Variants in SGO1 observed in about 807,000 individuals in gnomAD.
SGO1 encodes the protein shugoshin 1.
SGO1 carries 39 observed loss-of-function variants against 50.5 expected under a neutral mutation model. The observed-to-expected ratio is 0.77, with a 90% CI of 0.60 to 1.01. The LOEUF is 1.01. Among genes scored for constraint, SGO1 ranks in the 50% least tolerant of loss-of-function variants. The pLI is 0.00. For synonymous variants in SGO1, 191 were observed against 205.1 expected, an observed-to-expected ratio of 0.93 and a Z score of 0.59; for missense variants, 638 against 606.0, an observed-to-expected ratio of 1.05 and a Z score of -0.55.
chr3:20,164,386 G>GA (rs371329532), intron 8 of SGO1, among the ~76,000 whole-genome samples: 43 of 151,688 alleles, frequency 2.8e-4, no homozygotes, highest in African/African-American at 1.0e-3. Context: ...ATTAAAAAAA[G>GA]AAAAAAGGAA....
chr3:20,165,035 GC>G (rs2125231082), downstream of SGO1, among the ~76,000 whole-genome samples: 1 of 152,278 alleles, frequency 6.6e-6, no homozygotes, highest in African/African-American at 2.4e-5. Context: ...CATTTGTGTT[GC>G]TATAAAGGAA....
intron 3 of SGO1, 100 bp from the exon 4 acceptor site, chr3:20,178,447 G>T: frequency 1.2e-6 from 1 of 832,844 alleles, no homozygotes; most frequent in Non-Finnish European, 2.0e-6. Context: ...CTATCATGGT[G>T]CCATGCCATG....
chr3:20,179,409 G>A (rs561520002), intron 3 of SGO1, among the ~76,000 whole-genome samples: 1 of 152,122 alleles, frequency 6.6e-6, no homozygotes, highest in South Asian at 2.1e-4. Flanking sequence ...GGTATAAGAT[G>A]AGTCTACAAC....
Position 20,183,853 on chromosome 3 carries a change from G to A in SGO1, c.142+33C>T, listed in dbSNP as rs561800453. The A allele has an allele frequency of 4.4e-6, 7 of 1,606,680 alleles. No homozygotes were observed. The African/African-American group carries it at 8.1e-5, about 19-fold the overall frequency. On this transcript the variant is annotated intron_variant, in intron 2 of 7. Coordinates refer to ENST00000412997, the MANE Select transcript of SGO1 (RefSeq NM_001199251.3). Reference sequence around the variant, plus strand: ...TCAGTTATTAAATCTAAACTTAAAAGTGATATAAAAGGACAACATAAAAAT... The same window carrying A: ...TCAGTTATTAAATCTAAACTTAAAAATGATATAAAAGGACAACATAAAAAT...
chr3:20,171,288 T>TA, intron 6 of SGO1, 56 bp from the exon 7 acceptor site: 1 of 1,394,020 alleles, frequency 7.2e-7, no homozygotes. Context: ...CACAAAAACT[T>TA]AAATTGTACT....
At chr3:20,163,647 A>G (rs1345316217) in intron 8 of SGO1, among the ~76,000 whole-genome samples, 1 of 152,156 alleles carries the variant, frequency 6.6e-6, no homozygotes, top group Non-Finnish European at 1.5e-5. Flanking sequence ...AAATAATAAG[A>G]GCGAGATTAT....
rs375511922 is a variant in SGO1, at chr3:20,183,623, T to G, written c.324A>C (p.Thr108=). Residue 108 remains threonine, a synonymous_variant, in exon 3 of 8, where the codon ACA becomes ACC. Coordinates refer to ENST00000412997, the MANE Select transcript of SGO1 (RefSeq NM_001199251.3). ...ALKGKLTSQQ[T]VEPAQNQEIC... Reference sequence around the variant, plus strand: ...ATGAAAATACCTGAGCAGGTTCTACTGTTTGTTGTGATGTAAGTTTTCCTT... The same window carrying G: ...ATGAAAATACCTGAGCAGGTTCTACGGTTTGTTGTGATGTAAGTTTTCCTT... 1.7e-5 allele frequency: 27 copies of G among 1,591,230 alleles called. No homozygotes were observed. In the African/African-American group the frequency reaches 3.4e-4, roughly 20 times the overall value.
intron 6 of SGO1, among the ~76,000 whole-genome samples, chr3:20,172,818 T>G (rs77979385): frequency 4.0e-4 from 51 of 128,776 alleles, no homozygotes; most frequent in Non-Finnish European, 6.4e-4. Flanking sequence ...AAAAAAAAAT[T>G]AGCCAGGTGT....
intron 6 of SGO1, among the ~76,000 whole-genome samples, chr3:20,173,268 G>A (rs961112520): frequency 6.6e-6 from 1 of 151,944 alleles, no homozygotes; most frequent in African/African-American, 2.4e-5. Context: ...CTCCCGAGTA[G>A]CTGGGATTAC....
At chr3:20,177,301 T>C (rs10514674) in intron 4 of SGO1, 40,041 of 152,120 alleles carry the variant, frequency 0.26, 5,240 homozygotes, top group African/African-American at 0.27. Context: ...CTTCTACAAA[T>C]TCAATTACCT....
chr3:20,178,512 A>G (rs1559367597), intron 3 of SGO1, among the ~76,000 whole-genome samples, 165 bp from the exon 4 acceptor site: 3 of 152,224 alleles, frequency 2.0e-5, no homozygotes, highest in Non-Finnish European at 4.4e-5. Flanking sequence ...TTATCCTTTT[A>G]AAGCTTACAT....
chr3:20,167,568 CATAA>C (rs1035052163), downstream of SGO1, among the ~76,000 whole-genome samples: 115 of 152,184 alleles, frequency 7.6e-4, no homozygotes, highest in Middle Eastern at 6.8e-3. Flanking sequence ...CTTGAATTCT[CATAA>C]ATAAATCAAT....
chr3:20,177,332 A>ACGTAAGTTTGT (rs1553605263), intron 4 of SGO1: 8 of 151,816 alleles, frequency 5.3e-5, no homozygotes, highest in African/African-American at 1.9e-4. Context: ...TTTGCCCACA[A>ACGTAAGTTTGT]CAGATCTTAA....
intron 8 of SGO1, among the ~76,000 whole-genome samples, chr3:20,162,479 A>G (rs1700087463): frequency 6.6e-6 from 1 of 152,218 alleles, no homozygotes; most frequent in Non-Finnish European, 1.5e-5. Flanking sequence ...AACAAACTTA[A>G]TTGCCTGACA....
chr3:20,176,555 C>A, intron 5 of SGO1, 46 bp downstream of exon 5: 1 of 1,149,848 alleles, frequency 8.7e-7, no homozygotes, highest in Non-Finnish European at 1.3e-6. Context: ...TTCTCAAAGA[C>A]CTTATTTTGC....
At chr3:20,163,365 GAGTT>G (rs1186709257) in intron 8 of SGO1, among the ~76,000 whole-genome samples, 2 of 151,972 alleles carry the variant, frequency 1.3e-5, no homozygotes, top group African/African-American at 4.8e-5. Context: ...ACTTTTCTTG[GAGTT>G]AGTTCTAACA....
At chr3:20,180,496 G>A (rs926846957) in intron 3 of SGO1, among the ~76,000 whole-genome samples, 1 of 152,120 alleles carries the variant, frequency 6.6e-6, no homozygotes, top group Non-Finnish European at 1.5e-5. Flanking sequence ...CAGTGGAGAG[G>A]GGGATATATA....
intron 3 of SGO1, among the ~76,000 whole-genome samples, chr3:20,180,237 T>C (rs1701854064): frequency 6.6e-6 from 1 of 152,034 alleles, no homozygotes; most frequent in South Asian, 2.1e-4. Context: ...CAGTAAGCCA[T>C]GATATGCCAC....
downstream of SGO1, among the ~76,000 whole-genome samples, chr3:20,166,783 T>C (rs184703731): frequency 6.3e-5 from 9 of 143,226 alleles, no homozygotes; most frequent in East Asian, 8.3e-4. Flanking sequence ...GATTGGACGA[T>C]TGCTTGAGGC....
Sources: allele counts gnomAD v4.1 joint callset (sites outside exome capture counted in the v4.1 genomes callset), GRCh38; gene constraint gnomAD v4.1.1; transcripts MANE v1.5; gene names NCBI Gene and HGNC (gene_info 2026-07-23, HGNC 2026-07-21).